Variants in SMPX observed in about 807,000 individuals in gnomAD.
SMPX encodes the protein small muscular protein.
A neutral mutation model predicts 6.3 loss-of-function variants in SMPX; 2 were observed. The observed-to-expected ratio is 0.32, with a 90% CI of 0.13 to 0.99. SMPX has a LOEUF of 0.99. Among genes scored for constraint, SMPX ranks in the 50% least tolerant of loss-of-function variants. The pLI is 0.49. For missense variants in SMPX, 60 were observed against 66.8 expected (o/e 0.90, Z 0.36); for synonymous variants, 32 against 24.7 (o/e 1.30, Z -0.88).
chrX:21,735,377 A>G (rs2092809411), intron 4 of SMPX, among the ~76,000 whole-genome samples: 1 of 112,551 alleles, frequency 8.9e-6, no homozygotes, highest in Non-Finnish European at 1.9e-5. Flanking sequence ...ACATTACTGT[A>G]AGAATAAGGA....
At chrX:21,748,898 T>C (rs1255547704) in intron 2 of SMPX, among the ~76,000 whole-genome samples, 2 of 112,635 alleles carry the variant, frequency 1.8e-5, no homozygotes, top group African/African-American at 3.2e-5. Context: ...TCTATTCCTC[T>C]ATACCAATGA....
chrX:21,720,792 A>T (rs1338412214), intron 4 of SMPX, among the ~76,000 whole-genome samples: 1 of 112,431 alleles, frequency 8.9e-6, no homozygotes, highest in Non-Finnish European at 1.9e-5. Context: ...CAGCTGGCTG[A>T]CCTTGAACCA....
intron 4 of SMPX, among the ~76,000 whole-genome samples, chrX:21,708,242 C>T (rs1255635591): frequency 1.8e-5 from 2 of 112,404 alleles, no homozygotes; most frequent in African/African-American, 6.5e-5. Flanking sequence ...TGGCACCCTC[C>T]ATAACCCTTG....
At chrX:21,751,284 A>G (rs1186941185) in intron 2 of SMPX, among the ~76,000 whole-genome samples, 2 of 112,345 alleles carry the variant, frequency 1.8e-5, no homozygotes, top group Admixed American at 9.4e-5. Context: ...ACATTAAACT[A>G]TATTAGCCTC....
intron 2 of SMPX, among the ~76,000 whole-genome samples, chrX:21,748,611 C>CTGAA (rs957616011): frequency 1.1e-4 from 12 of 111,781 alleles, no homozygotes; most frequent in African/African-American, 3.6e-4. Flanking sequence ...GGAGGTAATA[C>CTGAA]TGAACCCACT....
chrX:21,743,611 G>A (rs1055610585), intron 3 of SMPX, 139 bp downstream of exon 3: 1 of 521,564 alleles, frequency 1.9e-6, no homozygotes, highest in African/African-American at 2.3e-5. Context: ...TGTACATACT[G>A]TATGTTATTC....
At chrX:21,733,889 G>C (rs1433683898) in intron 4 of SMPX, 1 of 232,405 alleles carries the variant, frequency 4.3e-6, no homozygotes, top group Non-Finnish European at 7.9e-6. Context: ...CAATACCCTG[G>C]ACACTCCATT....
intron 4 of SMPX, among the ~76,000 whole-genome samples, chrX:21,712,046 G>T (rs1181690137): frequency 8.9e-6 from 1 of 112,182 alleles, no homozygotes; most frequent in Non-Finnish European, 1.9e-5. Flanking sequence ...ACTAAGGCTT[G>T]TAAGGAACAA....
chrX:21,722,625 G>A (rs3788759), intron 4 of SMPX, among the ~76,000 whole-genome samples: 1,561 of 111,868 alleles, frequency 0.014, 60 homozygotes, highest in East Asian at 0.1. Context: ...TAAGTGACTG[G>A]GGGGTAAGTT....
At chrX:21,719,540 A>AAAAGAAAGAAAGAAAGAAAGAAAGAAAG (rs377515861) in intron 4 of SMPX, among the ~76,000 whole-genome samples, 8 of 108,842 alleles carry the variant, frequency 7.4e-5, no homozygotes, top group African/African-American at 2.4e-4. Flanking sequence ...GAAGAAGAAG[A>AAAAGAAAGAAAGAAAGAAAGAAAGAAAG]AAAGAAAGAA....
chrX:21,715,303 T>TGTGTGCGC (rs1175730294), intron 4 of SMPX, among the ~76,000 whole-genome samples: 56 of 86,054 alleles, frequency 6.5e-4, no homozygotes, highest in African/African-American at 2.4e-3. Flanking sequence ...TGTGTGTGTG[T>TGTGTGCGC]GCGCGCACGC....
intron 2 of SMPX, among the ~76,000 whole-genome samples, chrX:21,748,575 A>G (rs1356225717): frequency 8.9e-6 from 1 of 111,942 alleles, no homozygotes; most frequent in African/African-American, 3.2e-5. Context: ...ATATAGAGCT[A>G]GGCAGAGCCG....
intron 4 of SMPX, among the ~76,000 whole-genome samples, chrX:21,706,768 C>T (rs1299035220): frequency 9.1e-6 from 1 of 110,180 alleles, no homozygotes; most frequent in Non-Finnish European, 1.9e-5. Flanking sequence ...GGCGGTTCCC[C>T]CCATACTATT....
chrX:21,734,591 C>G (rs140881175), intron 4 of SMPX, among the ~76,000 whole-genome samples: 3,416 of 111,394 alleles, frequency 0.031, 58 homozygotes, highest in Non-Finnish European at 0.046. Flanking sequence ...AACATCCTAC[C>G]TTCCCTGTAC....
chrX:21,736,814 G>A (rs1337947478), intron 4 of SMPX, among the ~76,000 whole-genome samples: 2 of 111,317 alleles, frequency 1.8e-5, no homozygotes, highest in Non-Finnish European at 3.8e-5. Context: ...GGTCTCCTAG[G>A]AGAAAGAGTG....
chrX:21,754,450 A>C, intron 1 of SMPX, 148 bp from the exon 2 acceptor site: 1 of 529,380 alleles, frequency 1.9e-6, no homozygotes, highest in Non-Finnish European at 3.4e-6. Context: ...AGTTACGAAG[A>C]CACTCTCCTT....
chrX:21,748,024 T>A (rs971703038), intron 2 of SMPX, among the ~76,000 whole-genome samples: 7 of 112,193 alleles, frequency 6.2e-5, no homozygotes, highest in Admixed American at 5.7e-4. Context: ...GATATGACAT[T>A]TTGAGATTTA....
intron 4 of SMPX, among the ~76,000 whole-genome samples, chrX:21,719,293 C>T (rs1190260849): frequency 9.0e-6 from 1 of 111,260 alleles, no homozygotes; most frequent in Non-Finnish European, 1.9e-5. Flanking sequence ...CCAAGGCAGG[C>T]AGATCACCTG....
intron 4 of SMPX, among the ~76,000 whole-genome samples, chrX:21,713,977 T>C (rs981464317): frequency 8.9e-6 from 1 of 112,433 alleles, no homozygotes; most frequent in Non-Finnish European, 1.9e-5. Flanking sequence ...TTAAGTGAAC[T>C]TGATGAATTT....
Sources: allele counts gnomAD v4.1 joint callset (sites outside exome capture counted in the v4.1 genomes callset), GRCh38; gene constraint gnomAD v4.1.1; transcripts MANE v1.5; gene names NCBI Gene and HGNC (gene_info 2026-07-23, HGNC 2026-07-21).